The following LGALS8 variants were observed in gnomAD, a reference collection of about 807,000 sequenced individuals.
LGALS8 encodes the protein galectin 8, also known as galectin-8.
LGALS8 carries 30 observed loss-of-function variants against 35.9 expected under a neutral mutation model. That is an observed-to-expected ratio of 0.83 (90% CI 0.62 to 1.13). LGALS8 has a LOEUF of 1.13. Among genes scored for constraint, LGALS8 ranks in the 50% most tolerant of loss-of-function variants. The pLI, the probability that LGALS8 is intolerant of heterozygous loss-of-function variation, is 0.00. For missense variants in LGALS8, 366 were observed against 388.7 expected, an observed-to-expected ratio of 0.94 and a Z score of 0.49; for synonymous variants, 138 against 136.1, an observed-to-expected ratio of 1.01 and a Z score of -0.10.
intron 7 of LGALS8, chr1:236,543,140 C>A (rs1162117332): frequency 2.7e-6 from 3 of 1,093,050 alleles, no homozygotes; most frequent in Non-Finnish European, 4.2e-6. Context: ...AAAGCAGCCC[C>A]CTCTGCATTT....
intron 9 of LGALS8, 87 bp downstream of exon 9, chr1:236,545,002 A>C: frequency 9.6e-7 from 1 of 1,044,492 alleles, no homozygotes; most frequent in East Asian, 2.4e-5. Context: ...TCAAGTCCTA[A>C]CTCAGTATGT....
At chr1:236,540,345 CAGTTCCT>C in intron 4 of LGALS8, 2 of 455,862 alleles carry the variant, frequency 4.4e-6, no homozygotes, top group Non-Finnish European at 7.7e-6. Context: ...TGGGGAGAGA[CAGTTCCT>C]GGTGCTTAAT....
intron 4 of LGALS8, 57 bp downstream of exon 4, chr1:236,539,146 GT>G: frequency 7.2e-7 from 1 of 1,391,744 alleles, no homozygotes; most frequent in Non-Finnish European, 1.0e-6. Context: ...GTGCACAGGG[GT>G]GCTTTTCACA....
chr1:236,537,948 AT>A (rs1249845173), intron 3 of LGALS8, among the ~76,000 whole-genome samples: 1 of 94,226 alleles, frequency 1.1e-5, no homozygotes, highest in Admixed American at 1.0e-4. Flanking sequence ...AAAAAAAAAA[AT>A]TTAAAAATTA....
chr1:236,544,948 A>G (rs373261639), intron 9 of LGALS8, 33 bp downstream of exon 9: 80 of 1,544,942 alleles, frequency 5.2e-5, no homozygotes, highest in Non-Finnish European at 6.7e-5. Flanking sequence ...TGGGACAGCA[A>G]TAAGAATCCT....
At chr1:236,534,765 T>C (rs1423367121) in intron 2 of LGALS8, among the ~76,000 whole-genome samples, 1 of 152,090 alleles carries the variant, frequency 6.6e-6, no homozygotes, top group African/African-American at 2.4e-5. Context: ...GTATTAGAAG[T>C]GATGGGGGCC....
At chr1:236,535,748 G>A (rs182558217) in intron 2 of LGALS8, among the ~76,000 whole-genome samples, 199 of 152,280 alleles carry the variant, frequency 1.3e-3, no homozygotes, top group Non-Finnish European at 2.1e-3. Context: ...CTCCCACCCT[G>A]CTCCTAGCAA....
chr1:236,547,698 T>C (rs1168847924), intron 9 of LGALS8, among the ~76,000 whole-genome samples: 1 of 152,106 alleles, frequency 6.6e-6, no homozygotes, highest in African/African-American at 2.4e-5. Flanking sequence ...CACTCTGGCT[T>C]TCCAGGAGCA....
intron 9 of LGALS8, among the ~76,000 whole-genome samples, chr1:236,545,679 A>T (rs1039232305): frequency 6.6e-6 from 1 of 152,248 alleles, no homozygotes; most frequent in Admixed American, 6.5e-5. Flanking sequence ...AATAGATAGC[A>T]ATGTGACATT....
chr1:236,534,741 C>T (rs922563195), intron 2 of LGALS8, among the ~76,000 whole-genome samples: 22 of 152,082 alleles, frequency 1.4e-4, no homozygotes, highest in Admixed American at 6.5e-5. Context: ...AACCTATAAA[C>T]AGTTGTGAAC....
intron 8 of LGALS8, 83 bp from the exon 9 acceptor site, chr1:236,544,667 C>A (rs1662247127): frequency 2.9e-6 from 3 of 1,027,200 alleles, no homozygotes; most frequent in Non-Finnish European, 4.2e-6. Flanking sequence ...TAGTTCAAGT[C>A]TGGTCACTAA....
At chr1:236,519,688 A>T (rs921794161), upstream of LGALS8, among the ~76,000 whole-genome samples, 2 of 152,130 alleles carry the variant, frequency 1.3e-5, no homozygotes, top group Admixed American at 1.3e-4. Flanking sequence ...AATGTTTAAG[A>T]TCTTGTTCTT....
At chr1:236,541,914 ACTCACTGTT>A (rs1165511144) in intron 6 of LGALS8, among the ~76,000 whole-genome samples, 3 of 152,184 alleles carry the variant, frequency 2.0e-5, no homozygotes, top group Admixed American at 6.5e-5. Context: ...TGTAACTGCC[ACTCACTGTT>A]CTTATGTAAA....
chr1:236,551,950 C>T lies in LGALS8; in HGVS notation c.*3789C>T. ...TTGGGCACATTTTCACAGAATTTTA[C>T]TGAATTATTCCTTAATTGTTTAATG... On this transcript the variant is annotated 3_prime_UTR_variant, in exon 10 of 10. Transcript: ENST00000366584. The T allele has an allele frequency of 2.4e-6, 3 of 1,243,830 alleles. No homozygotes were observed. The highest frequency in any genetic ancestry group is 2.5e-5 in the South Asian group (2 of 81,184). 77.0% of individuals were successfully genotyped at this position (1,243,830 alleles called of 1,614,324 possible).
chr1:236,550,481 G>C lies in LGALS8; in HGVS notation c.*2320G>C, dbSNP rs2103117444. On this transcript the variant is annotated 3_prime_UTR_variant, in exon 10 of 10. Coordinates refer to ENST00000366584, the MANE Select transcript of LGALS8 (RefSeq NM_201544.4). ...GATTGCTAAATAACTTCATTTTCTT[G>C]AAATAGAGCAACTTTGAGTGAAATC... is the stretch of plus-strand genomic sequence containing the variant. 1 of 156,924 alleles carries C rather than the reference G, an allele frequency of 6.4e-6. No individual in the cohort carries two copies. The highest frequency in any genetic ancestry group is 2.1e-4 in the South Asian group (1 of 4,866). The allele number at this position is 156,924 out of a possible 1,614,324, so 9.7% of individuals were successfully genotyped here.
chr1:236,545,630 T>C (rs1662315694), intron 9 of LGALS8, among the ~76,000 whole-genome samples: 1 of 152,214 alleles, frequency 6.6e-6, no homozygotes, highest in Admixed American at 6.5e-5. Flanking sequence ...TCTTGAGGAC[T>C]CATCAAAACT....
At chr1:236,518,234 C>T (rs2103055755), upstream of LGALS8, 1 of 152,230 alleles carries the variant, frequency 6.6e-6, no homozygotes, top group South Asian at 2.1e-4. Context: ...AAGCTTGTTT[C>T]TCCCACCTGA....
At position 236,551,338 on chromosome 1, in the gene LGALS8, A is replaced by T. The variant is rs1470120819; in HGVS notation, c.*3177A>T. 4.4e-6 allele frequency: 1 copy of T among 228,090 alleles called. No individual in the cohort carries two copies. The highest frequency in any genetic ancestry group is 2.3e-5 in the African/African-American group (1 of 43,856). 14.1% of individuals were successfully genotyped at this position (228,090 alleles called of 1,614,324 possible). On this transcript the variant is annotated 3_prime_UTR_variant, in exon 10 of 10. Coordinates refer to ENST00000366584, the MANE Select transcript of LGALS8 (RefSeq NM_201544.4). ...GCTTAGATAAGCAATGAATCAGTAAAGGACTGATCTACTTGCTCCACCACC... is the reference window on the plus strand; with the variant it reads ...GCTTAGATAAGCAATGAATCAGTAATGGACTGATCTACTTGCTCCACCACC...
Position 236,538,101 on chromosome 1 carries a change from A to AAAAAAAAAAAAAAAAAAAAAAAAG in LGALS8, c.134+519_134+520insAAAAAAAAAAAAAAAAAAAAGAAA, listed in dbSNP as rs371245157. ...GCCTGGGTGACAAAAAAAAAAAAGA[A>AAAAAAAAAAAAAAAAAAAAAAAAG]AAAGAAAAAGAATTAGGTATGTCAT... is the stretch of plus-strand genomic sequence containing the variant. On this transcript the variant is annotated intron_variant, in intron 3 of 9. Coordinates refer to ENST00000366584, the MANE Select transcript of LGALS8 (RefSeq NM_201544.4). Among the ~76,000 whole-genome samples, 15 of 96,078 alleles carry AAAAAAAAAAAAAAAAAAAAAAAAG rather than the reference A, an allele frequency of 1.6e-4. 4 individuals are homozygous for AAAAAAAAAAAAAAAAAAAAAAAAG. Among genetic ancestry groups the AAAAAAAAAAAAAAAAAAAAAAAAG allele is most frequent in the Non-Finnish European group, 2.7e-4 (12 of 43,934 alleles). The allele number at this position is 96,078 out of a possible 152,430, so 63.0% of individuals were successfully genotyped here.
Sources: allele counts gnomAD v4.1 joint callset (sites outside exome capture counted in the v4.1 genomes callset), GRCh38; gene constraint gnomAD v4.1.1; transcripts MANE v1.5; gene names NCBI Gene and HGNC (gene_info 2026-07-23, HGNC 2026-07-21).